SRRM1: variants seen among roughly 807,000 people sequenced by gnomAD.
SRRM1 encodes serine/arginine repetitive matrix protein 1.
Under a neutral mutation model 110.2 loss-of-function variants are expected in SRRM1, and 19 were observed. The ratio of observed to expected loss-of-function variants is 0.17; its 90% CI spans 0.12 to 0.25. The LOEUF is 0.25. Ranked by LOEUF, SRRM1 falls within the 10% of genes least tolerant of loss-of-function variation. SRRM1 has a pLI of 1.00. For missense variants in SRRM1, 918 were observed against 1,145.8 expected (o/e 0.80, Z 2.87); for synonymous variants, 443 against 414.9 (o/e 1.07, Z -0.82).
In SRRM1 at chr1:24,653,003, G is replaced by A. The variant is rs754060413; in HGVS notation, c.1011G>A (p.Arg337=). The A allele has an allele frequency of 1.9e-5, 31 of 1,613,628 alleles. No individual in the cohort carries two copies. The highest frequency in any genetic ancestry group is 2.6e-5 in the Non-Finnish European group (31 of 1,179,810). ...CAAGAAGAATGCCTCCTCCACCAAG[G>A]CATAGAAGGAGTAGATCTCCAGTAA... ...TPPRRMPPPP[R]HRRSRSPVRR... Residue 337 remains arginine, a synonymous_variant, in exon 8 of 17, where the codon AGG becomes AGA. Coordinates refer to ENST00000323848, the MANE Select transcript of SRRM1 (RefSeq NM_005839.4).
At chr1:24,658,509 G>A (rs773165056) in intron 9 of SRRM1, among the ~76,000 whole-genome samples, 2 of 152,190 alleles carry the variant, frequency 1.3e-5, no homozygotes, top group Admixed American at 6.5e-5. Context: ...TATATAATGA[G>A]TAGGCTTTTG....
chr1:24,671,043 T>C (rs1475127288), intron 15 of SRRM1, among the ~76,000 whole-genome samples: 1 of 148,244 alleles, frequency 6.7e-6, no homozygotes, highest in Non-Finnish European at 1.5e-5. Context: ...GCAAGTATTA[T>C]GGGTGATTTA....
chr1:24,644,683 G>A (rs1451565387), intron 1 of SRRM1, among the ~76,000 whole-genome samples: 1 of 152,162 alleles, frequency 6.6e-6, no homozygotes, highest in Non-Finnish European at 1.5e-5. Flanking sequence ...TTTCAGATTA[G>A]CGTATCGAAT....
chr1:24,670,309 G>A lies in SRRM1; in HGVS notation c.2394G>A (p.Pro798=), dbSNP rs1054934932. Residue 798 remains proline, a synonymous_variant, in exon 15 of 17, where the codon CCG becomes CCA. Transcript: ENST00000323848. The part of the protein sequence containing the change: ...KAKSPTPSPS[P]PRNSDQEGGG... Reference sequence around the variant, plus strand: ...AAAGCCCAACACCGAGCCCATCACCGCCAAGAGTATGTGTCTGCCTTATTT... The same window carrying A: ...AAAGCCCAACACCGAGCCCATCACCACCAAGAGTATGTGTCTGCCTTATTT... 8 of 1,609,432 alleles carry A rather than the reference G, an allele frequency of 5.0e-6. No homozygotes were observed. The highest frequency in any genetic ancestry group is 5.1e-6 in the Non-Finnish European group (6 of 1,178,140).
chr1:24,643,675 G>A (rs1020193758), intron 1 of SRRM1: 2 of 359,790 alleles, frequency 5.6e-6, no homozygotes, highest in Admixed American at 4.8e-5. Flanking sequence ...CCGGGTCCTG[G>A]GGCCTAGCGG....
chr1:24,645,126 G>A (rs1454749026), intron 1 of SRRM1, among the ~76,000 whole-genome samples: 1 of 152,180 alleles, frequency 6.6e-6, no homozygotes, highest in African/African-American at 2.4e-5. Flanking sequence ...TTTCTGGTAT[G>A]TACACAGCAA....
chr1:24,665,851 C>T (rs533214764), intron 12 of SRRM1, among the ~76,000 whole-genome samples: 2 of 152,252 alleles, frequency 1.3e-5, no homozygotes, highest in South Asian at 4.1e-4. Context: ...GTTCAGTTAA[C>T]AGAGATTTCT....
intron 8 of SRRM1, among the ~76,000 whole-genome samples, chr1:24,654,573 G>T (rs75405989): frequency 6.6e-6 from 1 of 152,190 alleles, no homozygotes; most frequent in Non-Finnish European, 1.5e-5. Context: ...GGACTAGTTA[G>T]TTATTTTATT....
At position 24,662,495 on chromosome 1, in the gene SRRM1, C is replaced by T. The variant is rs1667776143; in HGVS notation, c.1484-165C>T. ...TGTCTTATTTAAATAATATGCTTGGCTTTGAAATCATTGATCATATATTGA... is the reference window on the plus strand; with the variant it reads ...TGTCTTATTTAAATAATATGCTTGGTTTTGAAATCATTGATCATATATTGA... On this transcript the variant is annotated intron_variant, in intron 11 of 16. Coordinates refer to ENST00000323848, the MANE Select transcript of SRRM1 (RefSeq NM_005839.4). 2.0e-5 allele frequency among the ~76,000 whole-genome samples: 3 copies of T among 152,250 alleles called. No homozygotes were observed. The South Asian group carries it at 6.2e-4, about 32-fold the overall frequency.
At chr1:24,644,072 C>T (rs1041499288) in intron 1 of SRRM1, among the ~76,000 whole-genome samples, 3 of 152,178 alleles carry the variant, frequency 2.0e-5, no homozygotes, top group Non-Finnish European at 4.4e-5. Flanking sequence ...TTCCCGCCCT[C>T]CACATCCCTC....
chr1:24,653,210 G>C (rs1570790250), intron 8 of SRRM1, among the ~76,000 whole-genome samples, 178 bp downstream of exon 8: 2 of 152,178 alleles, frequency 1.3e-5, no homozygotes, highest in South Asian at 4.1e-4. Flanking sequence ...GTTATGAAAA[G>C]TGTCTAGTCT....
intron 7 of SRRM1, 58 bp from the exon 8 acceptor site, chr1:24,652,855 A>G: frequency 6.5e-7 from 1 of 1,539,368 alleles, no homozygotes; most frequent in Non-Finnish European, 8.7e-7. Flanking sequence ...GAGAAAACTA[A>G]GCCAAGAAAT....
At chr1:24,658,482 G>A (rs4636398) in intron 9 of SRRM1, among the ~76,000 whole-genome samples, 69,838 of 151,982 alleles carry the variant, frequency 0.46, 17,310 homozygotes, top group East Asian at 0.6. Context: ...TGGAAATAAT[G>A]TTAAATTCAC....
At chr1:24,646,109 A>G (rs1393110716) in intron 2 of SRRM1, 36 bp downstream of exon 2, 1 of 1,478,290 alleles carries the variant, frequency 6.8e-7, no homozygotes, top group Admixed American at 1.7e-5. Context: ...GCATCTTTAT[A>G]GCACACTTAC....
intron 9 of SRRM1, among the ~76,000 whole-genome samples, chr1:24,657,136 A>G (rs903683378): frequency 6.6e-6 from 1 of 152,168 alleles, no homozygotes; most frequent in African/African-American, 2.4e-5. Context: ...GCTGGAGTGC[A>G]GTGGCCCAGT....
chr1:24,663,088 A>G, intron 12 of SRRM1: 1 of 1,193,622 alleles, frequency 8.4e-7, no homozygotes, highest in Non-Finnish European at 1.2e-6. Flanking sequence ...ATCTTTGAAT[A>G]TTTAAAAATG....
At chr1:24,652,060 A>ATATATATATATATATATG (rs1661213592) in intron 6 of SRRM1, among the ~76,000 whole-genome samples, 1 of 135,186 alleles carries the variant, frequency 7.4e-6, no homozygotes, top group South Asian at 2.4e-4. Context: ...ATATATATAT[A>ATATATATATATATATATG]TATGTACACA....
intron 6 of SRRM1, among the ~76,000 whole-genome samples, chr1:24,652,058 ATATATG>A (rs1302851156): frequency 7.4e-6 from 1 of 135,908 alleles, no homozygotes. Context: ...ATATATATAT[ATATATG>A]TACACACACA....
At position 24,669,239 on chromosome 1, in the gene SRRM1, C is replaced by A. The variant is rs565420842; in HGVS notation, c.1856C>A (p.Pro619His). 1.5e-4 allele frequency: 241 copies of A among 1,614,124 alleles called. 4 individuals carry two copies. In the South Asian group the frequency reaches 2.3e-3, roughly 16 times the overall value. Residue 619 changes from proline (P) to histidine (H), a missense_variant, in exon 14 of 17, where the codon CCC (proline) becomes CAC (histidine). Transcript: ENST00000323848. ...AAGAGAAGAACGGCTTCACCTCCTCCCCCTCCTAAACGAAGAGCATCACCA... is the reference window on the plus strand; with the variant it reads ...AAGAGAAGAACGGCTTCACCTCCTCACCCTCCTAAACGAAGAGCATCACCA... ...PPKRRTASPP[P>H]PPKRRASPSP...
Sources: gnomAD v4.1 joint callset for allele counts (sites outside exome capture counted in the v4.1 genomes callset) on GRCh38, gnomAD v4.1.1 for gene constraint, MANE v1.5 for transcripts, NCBI Gene and HGNC (gene_info 2026-07-23, HGNC 2026-07-21) for gene names.